The following SEMA3A variants were observed in gnomAD, a reference collection of about 807,000 sequenced individuals.
SEMA3A encodes semaphorin-3A.
A neutral mutation model predicts 97.9 loss-of-function variants in SEMA3A; 29 were observed. That is an observed-to-expected ratio of 0.30 (90% CI 0.22 to 0.40). The LOEUF (loss-of-function observed/expected upper bound fraction) is 0.40, where lower values mean the gene tolerates loss of function less well. Among genes scored for constraint, SEMA3A ranks in the 10% least tolerant of loss-of-function variants. The pLI is 1.00. For missense variants in SEMA3A, 763 were observed against 951.3 expected (o/e 0.80, Z 2.60); for synonymous variants, 321 against 323.7 (o/e 0.99, Z 0.09).
intron 1 of SEMA3A, among the ~76,000 whole-genome samples, chr7:84,151,154 A>T (rs1213557571): frequency 6.6e-6 from 1 of 151,664 alleles, no homozygotes; most frequent in Non-Finnish European, 1.5e-5. Flanking sequence ...ACAGAACAGA[A>T]AAACTGGAAA....
intron 15 of SEMA3A, among the ~76,000 whole-genome samples, chr7:83,974,560 G>A (rs1222227819): frequency 1.3e-5 from 2 of 152,066 alleles, no homozygotes; most frequent in Non-Finnish European, 2.9e-5. Context: ...TTCAATGTGA[G>A]AATTAATATT....
At chr7:84,044,108 A>G (rs1792250012) in intron 6 of SEMA3A, among the ~76,000 whole-genome samples, 1 of 152,086 alleles carries the variant, frequency 6.6e-6, no homozygotes, top group Non-Finnish European at 1.5e-5. Flanking sequence ...CTAAATAGAA[A>G]AACAAACATT....
chr7:84,006,329 C>A (rs1461822464), intron 10 of SEMA3A, among the ~76,000 whole-genome samples: 1 of 151,904 alleles, frequency 6.6e-6, no homozygotes, highest in Non-Finnish European at 1.5e-5. Flanking sequence ...TTGTTTCTAA[C>A]ATAATGCTAA....
intron 3 of SEMA3A, among the ~76,000 whole-genome samples, chr7:84,293,692 T>C (rs1800803203): frequency 6.6e-6 from 1 of 152,022 alleles, no homozygotes; most frequent in East Asian, 1.9e-4. Context: ...CAGCATTTCT[T>C]TATGTTTTTG....
intron 3 of SEMA3A, among the ~76,000 whole-genome samples, chr7:84,260,177 T>C (rs1799815612): frequency 6.6e-6 from 1 of 152,210 alleles, no homozygotes; most frequent in African/African-American, 2.4e-5. Context: ...GGTATATCTT[T>C]AAGAGCTTCA....
chr7:84,056,516 T>G (rs1481085719), intron 5 of SEMA3A, among the ~76,000 whole-genome samples: 1 of 151,986 alleles, frequency 6.6e-6, no homozygotes, highest in African/African-American at 2.4e-5. Context: ...CACCAAGCCA[T>G]TATGTTGTTA....
intron 3 of SEMA3A, among the ~76,000 whole-genome samples, chr7:84,233,971 A>G (rs1486261965): frequency 6.6e-6 from 1 of 151,770 alleles, no homozygotes; most frequent in African/African-American, 2.4e-5. Flanking sequence ...CCGATGCTCT[A>G]TACTAAAAAA....
chr7:84,212,210 A>G (rs1182741925), intron 3 of SEMA3A, among the ~76,000 whole-genome samples: 1 of 152,218 alleles, frequency 6.6e-6, no homozygotes, highest in Non-Finnish European at 1.5e-5. Flanking sequence ...ATTTTGACTA[A>G]TCAGTGCTCT....
intron 2 of SEMA3A, among the ~76,000 whole-genome samples, chr7:84,318,317 GTTTTTTTTTTT>G (rs71522699): frequency 1.0e-5 from 1 of 97,798 alleles, no homozygotes; most frequent in African/African-American, 3.9e-5. Flanking sequence ...TGATTTCTTG[GTTTTTTTTTTT>G]TTTTTTTTTT....
chr7:84,458,381 ATAT>A (rs1395737536), intron 1 of SEMA3A, among the ~76,000 whole-genome samples: 3 of 152,190 alleles, frequency 2.0e-5, no homozygotes, highest in Admixed American at 1.3e-4. Context: ...ATTATTCAAC[ATAT>A]TATTGCCATA....
intron 3 of SEMA3A, among the ~76,000 whole-genome samples, chr7:84,285,723 G>A (rs982074464): frequency 6.6e-6 from 1 of 151,760 alleles, no homozygotes; most frequent in Non-Finnish European, 1.5e-5. Context: ...TAAGTGGGTG[G>A]ATCAGTTGAG....
intron 1 of SEMA3A, among the ~76,000 whole-genome samples, chr7:84,187,364 G>C (rs915682338): frequency 6.6e-6 from 1 of 152,114 alleles, no homozygotes; most frequent in African/African-American, 2.4e-5. Context: ...TGTATATACT[G>C]TGACCTGATA....
At chr7:84,451,786 A>C (rs1222556620) in intron 1 of SEMA3A, among the ~76,000 whole-genome samples, 1 of 152,208 alleles carries the variant, frequency 6.6e-6, no homozygotes, top group African/African-American at 2.4e-5. Flanking sequence ...TTCATTGCAA[A>C]TAGGAACATA....
chr7:84,022,945 A>C (rs995473749), intron 6 of SEMA3A, among the ~76,000 whole-genome samples: 1 of 152,224 alleles, frequency 6.6e-6, no homozygotes, highest in Non-Finnish European at 1.5e-5. Flanking sequence ...TGGAATCTTT[A>C]GTCATGATAA....
intron 3 of SEMA3A, among the ~76,000 whole-genome samples, chr7:84,242,988 TC>T (rs1419046327): frequency 1.3e-5 from 2 of 152,226 alleles, no homozygotes; most frequent in Admixed American, 1.3e-4. Context: ...CAGGCTTGCA[TC>T]CCAGGGATGA....
At chr7:84,202,545 T>C (rs1445520068) in intron 3 of SEMA3A, among the ~76,000 whole-genome samples, 1 of 152,190 alleles carries the variant, frequency 6.6e-6, no homozygotes, top group Non-Finnish European at 1.5e-5. Flanking sequence ...TTTCTTGGGC[T>C]GTTGACATGA....
At chr7:84,154,503 C>A (rs1490395871) in intron 1 of SEMA3A, among the ~76,000 whole-genome samples, 2 of 151,704 alleles carry the variant, frequency 1.3e-5, no homozygotes, top group Non-Finnish European at 2.9e-5. Flanking sequence ...TGTTGAAACC[C>A]CGTCTCTACT....
intron 1 of SEMA3A, among the ~76,000 whole-genome samples, chr7:84,408,937 T>G (rs1229596724): frequency 6.6e-6 from 1 of 151,924 alleles, no homozygotes; most frequent in South Asian, 2.1e-4. Context: ...GAGATATACC[T>G]AATGCTAAAT....
At chr7:84,130,182 G>A (rs960162276) in intron 2 of SEMA3A, among the ~76,000 whole-genome samples, 1 of 151,920 alleles carries the variant, frequency 6.6e-6, no homozygotes, top group African/African-American at 2.4e-5. Flanking sequence ...AGAAATGATG[G>A]CACTTAATCA....
Sources: allele counts gnomAD v4.1 joint callset (sites outside exome capture counted in the v4.1 genomes callset), GRCh38; gene constraint gnomAD v4.1.1; transcripts MANE v1.5; gene names NCBI Gene and HGNC (gene_info 2026-07-23, HGNC 2026-07-21).